The following BCS1L variants were observed in gnomAD, a reference collection of about 807,000 sequenced individuals.
The protein encoded by BCS1L is mitochondrial chaperone BCS1.
BCS1L carries 38 observed loss-of-function variants against 49.3 expected under a neutral mutation model. The observed-to-expected ratio is 0.77, with a 90% CI of 0.59 to 1.01. The LOEUF (loss-of-function observed/expected upper bound fraction) is 1.01. Among genes scored for constraint, BCS1L ranks in the 50% least tolerant of loss-of-function variants. BCS1L has a pLI of 0.00. For synonymous variants in BCS1L, 193 were observed against 210.1 expected (o/e 0.92, Z 0.70); for missense variants, 394 against 540.2 (o/e 0.73, Z 2.68).
At chr2:218,659,470 C>G (rs941028497), upstream of BCS1L, 22 of 152,236 alleles carry the variant, frequency 1.4e-4, no homozygotes, top group African/African-American at 4.3e-4. This position sits in a 1 kb window ranked among gnomAD's most constrained non-coding sequence, Gnocchi z 4.4. Flanking sequence ...TCAGCCGCCT[C>G]TAGGATATTG....
At position 218,662,580 on chromosome 2, in the gene BCS1L, G is replaced by A. The variant is rs770925915; in HGVS notation, c.790G>A (p.Asp264Asn). The A allele has an allele frequency of 1.2e-6, 2 of 1,614,228 alleles. No individual in the cohort carries two copies. Among genetic ancestry groups the A allele is most frequent in the Non-Finnish European group, 1.7e-6 (2 of 1,180,044 alleles). The change falls in exon 6 of 8, where the codon GAC (aspartate) becomes AAC (asparagine). Residue 264 changes from aspartate to asparagine, a missense_variant. Transcript: ENST00000359273. The surrounding 1 kb of genome is among the most constrained non-coding windows in gnomAD (Gnocchi z 5.8). ...CCTCACGGACTCCAGCCTCTCTGAT[G>A]ACCGACTCAACCACCTGCTGAGCGT... ...LSLTDSSLSD[D>N]RLNHLLSVAP...
chr2:218,662,561 G>A lies in BCS1L; in HGVS notation c.771G>A (p.Thr257=), dbSNP rs148302981. 110 of 1,614,020 alleles carry A rather than the reference G, an allele frequency of 6.8e-5. 1 individual carries two copies. The highest frequency in any genetic ancestry group is 8.8e-5 in the Non-Finnish European group (104 of 1,180,036). Reference sequence around the variant, plus strand: ...ACAGCATCTGCCTGCTGAGCCTCACGGACTCCAGCCTCTCTGATGACCGAC... The same window carrying A: ...ACAGCATCTGCCTGCTGAGCCTCACAGACTCCAGCCTCTCTGATGACCGAC... ...LEHSICLLSL[T]DSSLSDDRLN... The change falls in exon 6 of 8, where the codon ACG becomes ACA. Residue 257 remains threonine (T), a synonymous_variant. Coordinates refer to ENST00000359273, the MANE Select transcript of BCS1L (RefSeq NM_001079866.2). This position sits in a 1 kb window ranked among gnomAD's most constrained non-coding sequence, Gnocchi z 5.8.
In BCS1L at chr2:218,662,288, G is replaced by C. The variant is rs770181131; in HGVS notation, c.719+28G>C. Reference sequence around the variant, plus strand: ...GAGTATTCAAAATTTCTCTCAACTTGGCAAAACGAAGCCTTTGTGGAAACA... The same window carrying C: ...GAGTATTCAAAATTTCTCTCAACTTCGCAAAACGAAGCCTTTGTGGAAACA... On this transcript the variant is annotated intron_variant, in intron 5 of 7. Transcript: ENST00000359273. This position sits in a 1 kb window ranked among gnomAD's most constrained non-coding sequence, Gnocchi z 5.8. The C allele has an allele frequency of 6.2e-7, 1 of 1,603,134 alleles. No individual in the cohort carries two copies. Among genetic ancestry groups the C allele is most frequent in the Non-Finnish European group, 8.5e-7 (1 of 1,170,234 alleles).
chr2:218,661,393 C>T lies in BCS1L; in HGVS notation c.321-13C>T, dbSNP rs957463359. ...ACCCATTCACTCACTCAGTTTTGAT[C>T]GTTCTTATTCAGGTATCGGGGGAAA... On this transcript the variant is annotated splice_polypyrimidine_tract_variant and intron_variant, in intron 2 of 7. Coordinates refer to ENST00000359273, the MANE Select transcript of BCS1L (RefSeq NM_001079866.2). The surrounding 1 kb of genome is among the most constrained non-coding windows in gnomAD (Gnocchi z 5.9). 38 of 1,614,038 alleles carry T rather than the reference C, an allele frequency of 2.4e-5. No homozygotes were observed. Among genetic ancestry groups the T allele is most frequent in the Non-Finnish European group, 2.8e-5 (33 of 1,180,042 alleles).
In BCS1L at chr2:218,663,344, C is replaced by T. The variant is rs1309567004; in HGVS notation, c.1218C>T (p.Asp406=). The change falls in exon 8 of 8, where the codon GAC becomes GAT. Residue 406 remains aspartate, a synonymous_variant. Coordinates refer to ENST00000359273, the MANE Select transcript of BCS1L (RefSeq NM_001079866.2). ...VQGYFMLYKN[D]PVGAIHNAES... The stretch of plus-strand genomic sequence containing the variant: ...GCTACTTCATGCTGTATAAAAATGA[C>T]CCTGTAGGGGCAATTCACAATGCTG... 10 of 1,614,052 alleles carry T rather than the reference C, an allele frequency of 6.2e-6. No individual in the cohort carries two copies. The highest frequency in any genetic ancestry group is 5.5e-5 in the South Asian group (5 of 91,086).
chr2:218,661,256 G>GC lies in BCS1L; in HGVS notation c.270dup (p.Ile91HisfsTer4). Reference sequence around the variant, plus strand: ...TCGTACCTTCAGCATGAGAGTGGCCGCATTTCCACTAAGTTTGAATTTGTC... The same window carrying GC: ...TCGTACCTTCAGCATGAGAGTGGCCGCCATTTCCACTAAGTTTGAATTTGTC... On this transcript the variant is annotated frameshift_variant, in exon 2 of 8. Coordinates refer to ENST00000359273, the MANE Select transcript of BCS1L (RefSeq NM_001079866.2). LOFTEE classifies it high-confidence loss of function. This position sits in a 1 kb window ranked among gnomAD's most constrained non-coding sequence, Gnocchi z 5.9. The GC allele has an allele frequency of 6.2e-7, 1 of 1,614,196 alleles. No homozygotes were observed. Among genetic ancestry groups the GC allele is most frequent in the Non-Finnish European group, 8.5e-7 (1 of 1,180,056 alleles).
At position 218,662,728 on chromosome 2, in the gene BCS1L, G is replaced by A; in HGVS notation, c.889+49G>A. ...GTGGAGTGGGTAACTGTGGAACAGG[G>A]GAAGAAAGCAGAAATCCAGAGGGCT... On this transcript the variant is annotated intron_variant, in intron 6 of 7. Transcript: ENST00000359273. The surrounding 1 kb of genome is among the most constrained non-coding windows in gnomAD (Gnocchi z 5.8). 6.2e-7 allele frequency: 1 copy of A among 1,613,462 alleles called. No individual in the cohort carries two copies. Among genetic ancestry groups the A allele is most frequent in the Non-Finnish European group, 8.5e-7 (1 of 1,179,678 alleles).
In BCS1L at chr2:218,661,221, T is replaced by C; in HGVS notation, c.234T>C (p.Ser78=). 1.2e-6 allele frequency: 2 copies of C among 1,614,236 alleles called. No individual in the cohort carries two copies. The highest frequency in any genetic ancestry group is 8.5e-7 in the Non-Finnish European group (1 of 1,180,038). The change falls in exon 2 of 8, where the codon AGT becomes AGC. Residue 78 remains serine (S), a synonymous_variant. Transcript: ENST00000359273. The surrounding 1 kb of genome is among the most constrained non-coding windows in gnomAD (Gnocchi z 5.9). ...ACAGTACCCGTACTCAGCACCTCAG[T>C]GTCGAGACTTCGTACCTTCAGCATG... The part of the protein sequence containing the change: ...TRHSTRTQHL[S]VETSYLQHES...
intron 1 of BCS1L, chr2:218,660,423 T>A: frequency 6.5e-6 from 1 of 152,764 alleles, no homozygotes; most frequent in Non-Finnish European, 1.5e-5. Context: ...AAGCAGGAGG[T>A]GAAGACCTAT....
Position 218,661,608 on chromosome 2 carries a change from ATGAGCAGTT to A in BCS1L, c.460+66_460+74del. 1 of 1,605,970 alleles carries A rather than the reference ATGAGCAGTT, an allele frequency of 6.2e-7. No individual in the cohort carries two copies. The highest frequency in any genetic ancestry group is 8.5e-7 in the Non-Finnish European group (1 of 1,176,278). On this transcript the variant is annotated intron_variant, in intron 3 of 7. Coordinates refer to ENST00000359273, the MANE Select transcript of BCS1L (RefSeq NM_001079866.2). This position sits in a 1 kb window ranked among gnomAD's most constrained non-coding sequence, Gnocchi z 5.9. ...CAGGGATGGGGACATTTGACATCAG[ATGAGCAGTT>A]TGGAGAAGTGGAATAAGCAGGCCGG...
At position 218,662,052 on chromosome 2, in the gene BCS1L, A is replaced by G; in HGVS notation, c.655+99A>G. The G allele has an allele frequency of 6.7e-7, 1 of 1,486,580 alleles. No individual in the cohort carries two copies. Among genetic ancestry groups the G allele is most frequent in the Non-Finnish European group, 9.4e-7 (1 of 1,066,830 alleles). 92.1% of individuals were successfully genotyped at this position (1,486,580 alleles called of 1,614,324 possible). On this transcript the variant is annotated intron_variant, in intron 4 of 7. Coordinates refer to ENST00000359273, the MANE Select transcript of BCS1L (RefSeq NM_001079866.2). The surrounding 1 kb of genome is among the most constrained non-coding windows in gnomAD (Gnocchi z 5.8). ...TGGGGTGATATAAAGCTCTAGTCCA[A>G]TTCCCAGAGATTAAGAGGAATGAAA...
chr2:218,662,983 C>T lies in BCS1L; in HGVS notation c.990C>T (p.Thr330=), dbSNP rs771655220. ...CCGAGGCCCGCATCGTGTTCATGACCACCAACCACGTTGACAGGTAGGAAG... is the reference window on the plus strand; with the variant it reads ...CCGAGGCCCGCATCGTGTTCATGACTACCAACCACGTTGACAGGTAGGAAG... The part of the protein sequence containing the change: ...ASTEARIVFM[T]TNHVDRLDPA... The change falls in exon 7 of 8, where the codon ACC becomes ACT. Residue 330 remains threonine, a synonymous_variant. Transcript: ENST00000359273. This position sits in a 1 kb window ranked among gnomAD's most constrained non-coding sequence, Gnocchi z 5.8. The T allele has an allele frequency of 6.2e-7, 1 of 1,613,974 alleles. No individual in the cohort carries two copies. Among genetic ancestry groups the T allele is most frequent in the South Asian group, 1.1e-5 (1 of 91,056 alleles).
At position 218,662,733 on chromosome 2, in the gene BCS1L, A is replaced by G. The variant is rs944097929; in HGVS notation, c.889+54A>G. 5.6e-6 allele frequency: 9 copies of G among 1,613,176 alleles called. No individual in the cohort carries two copies. The highest frequency in any genetic ancestry group is 2.7e-5 in the African/African-American group (2 of 74,914). Reference sequence around the variant, plus strand: ...GTGGGTAACTGTGGAACAGGGGAAGAAAGCAGAAATCCAGAGGGCTGGTGG... The same window carrying G: ...GTGGGTAACTGTGGAACAGGGGAAGGAAGCAGAAATCCAGAGGGCTGGTGG... On this transcript the variant is annotated intron_variant, in intron 6 of 7. Coordinates refer to ENST00000359273, the MANE Select transcript of BCS1L (RefSeq NM_001079866.2). The surrounding 1 kb of genome is among the most constrained non-coding windows in gnomAD (Gnocchi z 5.8).
rs531442370 is a variant in BCS1L at position 218,661,656 on chromosome 2, G to C, written c.461-103G>C. On this transcript the variant is annotated intron_variant, in intron 3 of 7. Coordinates refer to ENST00000359273, the MANE Select transcript of BCS1L (RefSeq NM_001079866.2). This position sits in a 1 kb window ranked among gnomAD's most constrained non-coding sequence, Gnocchi z 5.9. ...TAAGCAGGCCGGGGTGAGCCCATGG[G>C]AACAGGGGGCCAGAAGGAAGCTGTT... is the stretch of plus-strand genomic sequence containing the variant. 2.8e-4 allele frequency: 444 copies of C among 1,579,122 alleles called. No individual in the cohort carries two copies. The highest frequency in any genetic ancestry group is 3.5e-4 in the Non-Finnish European group (408 of 1,161,282).
rs1939635954 is a variant in BCS1L, at chr2:218,662,896, C to A, written c.903C>A (p.Tyr301Ter). ...RDLAVENPVK[Y>*]QGLGRLTFSG... ...GCCTTCCTCCAGACCCAGTAAAGTA[C>A]CAAGGCCTAGGTCGCCTCACCTTCA... The change falls in exon 7 of 8, where the codon TAC becomes TAA. Residue 301 changes from tyrosine to a stop codon, truncating the protein, a stop_gained. Coordinates refer to ENST00000359273, the MANE Select transcript of BCS1L (RefSeq NM_001079866.2). LOFTEE classifies it high-confidence loss of function. The surrounding 1 kb of genome is among the most constrained non-coding windows in gnomAD (Gnocchi z 5.8). 1 of 1,614,014 alleles carries A rather than the reference C, an allele frequency of 6.2e-7. No homozygotes were observed. The highest frequency in any genetic ancestry group is 1.1e-5 in the South Asian group (1 of 91,076).
In BCS1L at chr2:218,663,242, G is replaced by A. The variant is rs1559320030; in HGVS notation, c.1116G>A (p.Gln372=). 1 of 1,614,216 alleles carries A rather than the reference G, an allele frequency of 6.2e-7. No homozygotes were observed. ...TQMFQRFYPG[Q]APSLAENFAE... ...TGTTCCAGAGGTTCTATCCAGGGCA[G>A]GCACCTTCCTTAGCTGAGAACTTTG... The change falls in exon 8 of 8, where the codon CAG becomes CAA. Residue 372 remains glutamine, a synonymous_variant. Coordinates refer to ENST00000359273, the MANE Select transcript of BCS1L (RefSeq NM_001079866.2).
intron 7 of BCS1L, 56 bp from the exon 8 acceptor site, chr2:218,663,078 C>T (rs926239823): frequency 6.2e-6 from 10 of 1,613,896 alleles, no homozygotes; most frequent in South Asian, 3.3e-5. Context: ...AACAGGAGGT[C>T]GAGGGGCCAT....
At position 218,662,096 on chromosome 2, in the gene BCS1L, T is replaced by C; in HGVS notation, c.656-101T>C. The C allele has an allele frequency of 4.7e-6, 7 of 1,498,630 alleles. No homozygotes were observed. Among genetic ancestry groups the C allele is most frequent in the Non-Finnish European group, 6.5e-6 (7 of 1,075,688 alleles). The allele number at this position is 1,498,630 out of a possible 1,614,324, so 92.8% of individuals were successfully genotyped here. On this transcript the variant is annotated intron_variant, in intron 4 of 7. Coordinates refer to ENST00000359273, the MANE Select transcript of BCS1L (RefSeq NM_001079866.2). The surrounding 1 kb of genome is among the most constrained non-coding windows in gnomAD (Gnocchi z 5.8). ...AATGAAAAGTTGTGTATGAGAATGA[T>C]TTATTTCCGTACCAAGGTTATCAGG...
In BCS1L at chr2:218,661,775, G is replaced by C; in HGVS notation, c.477G>C (p.Leu159Phe). ...NILEEARELA[L>F]QQEEGKTVMY... is the part of the protein sequence containing the mutation. ...CCTTCCCAGCTCGAGAGCTAGCCTT[G>C]CAGCAGGAGGAAGGGAAGACCGTGA... Residue 159 changes from leucine to phenylalanine, a missense_variant, in exon 4 of 8, where the codon TTG (leucine) becomes TTC (phenylalanine). Physicochemically the swap from Leu to Phe is conservative, Grantham distance 22. Coordinates refer to ENST00000359273, the MANE Select transcript of BCS1L (RefSeq NM_001079866.2). This position sits in a 1 kb window ranked among gnomAD's most constrained non-coding sequence, Gnocchi z 5.9. The C allele has an allele frequency of 6.2e-7, 1 of 1,609,628 alleles. No homozygotes were observed. Among genetic ancestry groups the C allele is most frequent in the South Asian group, 1.1e-5 (1 of 91,020 alleles).
Sources: allele counts gnomAD v4.1 joint callset, GRCh38; gene constraint gnomAD v4.1.1; non-coding constraint Gnocchi (gnomAD v3.1); transcripts MANE v1.5; gene names NCBI Gene and HGNC (gene_info 2026-07-23, HGNC 2026-07-21).